The following PRPF6 variants were observed in gnomAD, a reference collection of about 807,000 sequenced individuals.
PRPF6 encodes the protein pre-mRNA-processing factor 6.
Under a neutral mutation model 118.3 loss-of-function variants are expected in PRPF6, and 42 were observed. The ratio of observed to expected loss-of-function variants is 0.35; its 90% confidence interval spans 0.28 to 0.46. PRPF6 has a LOEUF of 0.46. Among genes scored for constraint, PRPF6 ranks in the 20% least tolerant of loss-of-function variants. The pLI is 1.00. For missense variants in PRPF6, 662 were observed against 1,255.7 expected (o/e 0.53, Z 7.15); for synonymous variants, 481 against 485.1 (o/e 0.99, Z 0.11).
rs931746239 is a variant in PRPF6, at chr20:64,026,346, A to C, written c.2028+288A>C. On this transcript the variant is annotated intron_variant, in intron 15 of 20. Transcript: ENST00000266079. This position sits in a 1 kb window ranked among gnomAD's most constrained non-coding sequence, Gnocchi z 4.4. Reference sequence around the variant, plus strand: ...ACATGGAGAAACCCCGTCTCTACTAAAAATACAAAATTAGCCGGGCGTGGT... The same window carrying C: ...ACATGGAGAAACCCCGTCTCTACTACAAATACAAAATTAGCCGGGCGTGGT... 3.4e-4 allele frequency among the ~76,000 whole-genome samples: 50 copies of C among 148,750 alleles called. No homozygotes were observed. Among genetic ancestry groups the C allele is most frequent in the Admixed American group, 1.9e-3 (28 of 14,578 alleles).
At chr20:64,012,926 C>A (rs2059220910) in intron 11 of PRPF6, among the ~76,000 whole-genome samples, 1 of 150,340 alleles carries the variant, frequency 6.7e-6, no homozygotes, top group East Asian at 1.9e-4. Flanking sequence ...AGTCTCATGG[C>A]TTCTTTTACT....
intron 6 of PRPF6, among the ~76,000 whole-genome samples, chr20:63,998,213 G>C (rs2059149876): frequency 6.6e-6 from 1 of 151,770 alleles, no homozygotes; most frequent in African/African-American, 2.4e-5. Flanking sequence ...TCCTGCCTCA[G>C]CCTCCTGAGT....
At chr20:64,024,495 T>C in intron 13 of PRPF6, 60 bp from the exon 14 acceptor site, 1 of 1,604,480 alleles carries the variant, frequency 6.2e-7, no homozygotes, top group Non-Finnish European at 8.5e-7. Flanking sequence ...CATGGCTGAG[T>C]GTGATGTGTG....
intron 20 of PRPF6, among the ~76,000 whole-genome samples, chr20:64,032,638 TC>T (rs1287595887): frequency 6.6e-6 from 1 of 152,244 alleles, no homozygotes; most frequent in African/African-American, 2.4e-5. Flanking sequence ...GCTGGTGGGG[TC>T]CATGCTCCTC....
At position 64,010,204 on chromosome 20, in the gene PRPF6, C is replaced by T. The variant is rs551300297; in HGVS notation, c.1191C>T (p.Leu397=). The change falls in exon 10 of 21, where the codon CTC becomes CTT. Residue 397 remains leucine, a synonymous_variant. Coordinates refer to ENST00000266079, the MANE Select transcript of PRPF6 (RefSeq NM_012469.4). ...RAKKRVLRKA[L]EHVPNSVRLW... Reference sequence around the variant, plus strand: ...TTCTCGTTTGACCTTTCCTAGCCCTCGAGCATGTTCCAAACTCGGTTCGCT... The same window carrying T: ...TTCTCGTTTGACCTTTCCTAGCCCTTGAGCATGTTCCAAACTCGGTTCGCT... The T allele has an allele frequency of 5.6e-5, 90 of 1,613,878 alleles. No homozygotes were observed. The highest frequency in any genetic ancestry group is 4.6e-4 in the South Asian group (42 of 91,078).
intron 4 of PRPF6, among the ~76,000 whole-genome samples, chr20:63,994,158 CTTTTT>C (rs1158030989): frequency 7.2e-6 from 1 of 138,382 alleles, no homozygotes. Flanking sequence ...TTTTCTTTTT[CTTTTT>C]TTTTTTTTTT....
In PRPF6 at chr20:63,999,594, C is replaced by G. The variant is rs1055389738; in HGVS notation, c.867-9C>G. On this transcript the variant is annotated splice_polypyrimidine_tract_variant and intron_variant, in intron 7 of 20. Transcript: ENST00000266079. ...TGGCCTGATGCCGTGTGCACTCTCC[C>G]TCTCATAGTGATATCAAGAAGGCGC... 6.2e-7 allele frequency: 1 copy of G among 1,613,888 alleles called. No individual in the cohort carries two copies. The highest frequency in any genetic ancestry group is 1.3e-5 in the African/African-American group (1 of 74,938).
intron 6 of PRPF6, 93 bp downstream of exon 6, chr20:63,995,575 T>G (rs1039324048): frequency 7.0e-7 from 1 of 1,437,318 alleles, no homozygotes; most frequent in African/African-American, 1.4e-5. Context: ...TTCTCCTTTT[T>G]CTTCTCCTCC....
chr20:64,002,231 C>A (rs1196989535), intron 9 of PRPF6, among the ~76,000 whole-genome samples: 1 of 151,518 alleles, frequency 6.6e-6, no homozygotes, highest in Non-Finnish European at 1.5e-5. Context: ...CTGTGTTATC[C>A]AGGATGGTCT....
intron 12 of PRPF6, 49 bp downstream of exon 12, chr20:64,016,894 T>C: frequency 6.2e-7 from 1 of 1,612,566 alleles, no homozygotes; most frequent in South Asian, 1.1e-5. Context: ...TCTCTGCTTG[T>C]GGGAACAGCA....
Position 64,033,083 on chromosome 20 carries a change from TTA to T in PRPF6, c.*92_*93del, listed in dbSNP as rs2059323167. On this transcript the variant is annotated 3_prime_UTR_variant, in exon 21 of 21. Coordinates refer to ENST00000266079, the MANE Select transcript of PRPF6 (RefSeq NM_012469.4). ...CTGTGTCCTCCTTCATTAAAAGTTT[TTA>T]TGTCTCGTGTCAGAACAGGCAGCCT... The T allele has an allele frequency of 3.8e-6, 6 of 1,572,504 alleles. No individual in the cohort carries two copies. The highest frequency in any genetic ancestry group is 5.2e-6 in the Non-Finnish European group (6 of 1,153,968).
At chr20:64,002,645 CT>C (rs1231191438) in intron 9 of PRPF6, among the ~76,000 whole-genome samples, 244 of 98,298 alleles carry the variant, frequency 2.5e-3, no homozygotes, top group Middle Eastern at 9.8e-3. Flanking sequence ...CTTTTCTTTT[CT>C]TTTTTTTTTT....
chr20:64,024,579 G>A lies in PRPF6; in HGVS notation c.1794G>A (p.Gln598=). 1.2e-6 allele frequency: 2 copies of A among 1,613,648 alleles called. No homozygotes were observed. Among genetic ancestry groups the A allele is most frequent in the African/African-American group, 2.7e-5 (2 of 75,060 alleles). ...GGGAGTCCCTGGAAGCACTCCTGCA[G>A]AGGGCTGTGGCCCACTGCCCCAAAG... The part of the protein sequence containing the change: ...GTRESLEALL[Q]RAVAHCPKAE... The change falls in exon 14 of 21, where the codon CAG becomes CAA. Residue 598 remains glutamine, a synonymous_variant. Transcript: ENST00000266079.
chr20:64,004,577 C>T (rs1265631613), intron 9 of PRPF6, among the ~76,000 whole-genome samples: 1 of 152,160 alleles, frequency 6.6e-6, no homozygotes, highest in East Asian at 1.9e-4. Flanking sequence ...TGAGCTGACA[C>T]CTTAGTCCTT....
chr20:64,014,665 TAAATA>T (rs970473093), intron 11 of PRPF6, among the ~76,000 whole-genome samples: 3 of 150,938 alleles, frequency 2.0e-5, no homozygotes, highest in South Asian at 2.1e-4. Context: ...TCTCAAAAAA[TAAATA>T]AAATAAAATA....
rs149875749 is a variant in PRPF6, at chr20:64,005,923, C to T, written c.1187-4277C>T. On this transcript the variant is annotated intron_variant, in intron 9 of 20. Coordinates refer to ENST00000266079, the MANE Select transcript of PRPF6 (RefSeq NM_012469.4). ...CTGAGTTTTTAATTTTTCAAAGAGA[C>T]GAGGTCTCCCTGTGTCATCCAGGCT... is the stretch of plus-strand genomic sequence containing the variant. 6.7e-3 allele frequency among the ~76,000 whole-genome samples: 1,014 copies of T among 152,078 alleles called. 8 individuals carry two copies. Among genetic ancestry groups the T allele is most frequent in the African/African-American group, 0.023 (952 of 41,480 alleles).
At chr20:64,001,338 G>C in intron 9 of PRPF6, 99 bp downstream of exon 9, 1 of 1,406,200 alleles carries the variant, frequency 7.1e-7, no homozygotes, top group South Asian at 1.2e-5. Context: ...GAGTGGATAA[G>C]GAACCAGGGA....
At position 63,995,521 on chromosome 20, in the gene PRPF6, A is replaced by G. The variant is rs115380441; in HGVS notation, c.771+39A>G. ...ACAGCATTTTCCTGTGGACAGGTTT[A>G]GACAGTTTAATTTTGTTTTGTTTTC... On this transcript the variant is annotated intron_variant, in intron 6 of 20. Transcript: ENST00000266079. The G allele has an allele frequency of 2.5e-6, 4 of 1,612,850 alleles. No homozygotes were observed. In the African/African-American group the frequency reaches 5.3e-5, roughly 22 times the overall value.
At position 64,002,112 on chromosome 20, in the gene PRPF6, G is replaced by A. The variant is rs545706481; in HGVS notation, c.1186+873G>A. On this transcript the variant is annotated intron_variant, in intron 9 of 20. Transcript: ENST00000266079. ...CGGCTCACTGCAAGCTCCGCCTCCC[G>A]GGTTCACACCATTCTCCTGCCTCAG... Among the ~76,000 whole-genome samples, 25 of 123,698 alleles carry A rather than the reference G, an allele frequency of 2.0e-4. No individual in the cohort carries two copies. In the South Asian group the frequency reaches 4.9e-3, roughly 24 times the overall value. 81.2% of individuals were successfully genotyped at this position (123,698 alleles called of 152,430 possible). A position where few individuals can be genotyped will look rare whatever the true frequency, so the allele number is the denominator to read the frequency against.
Sources: allele counts gnomAD v4.1 joint callset (sites outside exome capture counted in the v4.1 genomes callset), GRCh38; gene constraint gnomAD v4.1.1; non-coding constraint Gnocchi (gnomAD v3.1); transcripts MANE v1.5; gene names NCBI Gene and HGNC (gene_info 2026-07-23, HGNC 2026-07-21).